The following SPINT1 variants were observed in gnomAD, a reference collection of about 807,000 sequenced individuals.
SPINT1 encodes kunitz-type protease inhibitor 1.
Under a neutral mutation model 53.7 loss-of-function variants are expected in SPINT1, and 38 were observed. That is an observed-to-expected ratio of 0.71 (90% CI 0.55 to 0.93). The LOEUF (loss-of-function observed/expected upper bound fraction) is 0.93, where lower values mean the gene tolerates loss of function less well. Among genes scored for constraint, SPINT1 ranks in the 40% least tolerant of loss-of-function variants. The pLI is 0.00. For missense variants in SPINT1, 645 were observed against 692.9 expected (o/e 0.93, Z 0.78); for synonymous variants, 283 against 280.6 (o/e 1.01, Z -0.08).
chr15:40,844,653 C>G lies in SPINT1; in HGVS notation c.99C>G (p.Thr33=). The G allele has an allele frequency of 1.2e-6, 2 of 1,604,466 alleles. No homozygotes were observed. Among genetic ancestry groups the G allele is most frequent in the Non-Finnish European group, 1.7e-6 (2 of 1,175,888 alleles). ...WLLCTLGLQG[T]QAGPPPAPPG... Reference sequence around the variant, plus strand: ...TGTGCACGCTCGGCCTCCAGGGCACCCAGGCCGGGCCACCGCCCGCGCCCC... The same window carrying G: ...TGTGCACGCTCGGCCTCCAGGGCACGCAGGCCGGGCCACCGCCCGCGCCCC... The change falls in exon 2 of 11, where the codon ACC becomes ACG. Residue 33 remains threonine, a synonymous_variant. Transcript: ENST00000562057. The surrounding 1 kb of genome is among the most constrained non-coding windows in gnomAD (Gnocchi z 5.8).
chr15:40,855,802 G>A, intron 8 of SPINT1, 90 bp from the exon 9 acceptor site: 4 of 1,413,544 alleles, frequency 2.8e-6, no homozygotes, highest in Non-Finnish European at 3.9e-6. Flanking sequence ...GGCAGGTGGG[G>A]AGGTGCTGGG....
intron 2 of SPINT1, among the ~76,000 whole-genome samples, chr15:40,848,562 AATAAT>A (rs1891361066): frequency 6.6e-6 from 1 of 152,234 alleles, no homozygotes; most frequent in African/African-American, 2.4e-5. Flanking sequence ...TTTTCATAAT[AATAAT>A]AAACCCTAAG....
chr15:40,853,765 G>T lies in SPINT1; in HGVS notation c.797G>T (p.Trp266Leu), dbSNP rs1891537113. Residue 266 changes from tryptophan (W) to leucine (L), a missense_variant, in exon 5 of 11, where the codon TGG (tryptophan) becomes TTG (leucine). Physicochemically the swap from Trp to Leu is moderately conservative, Grantham distance 61. Transcript: ENST00000562057. ...CGCTGCCGGGGCTCTTTCCCACGCT[G>T]GTACTATGACCCCACGGAGCAGATC... is the stretch of plus-strand genomic sequence containing the variant. ...VGRCRGSFPR[W>L]YYDPTEQICK... The T allele has an allele frequency of 6.2e-7, 1 of 1,614,092 alleles. No homozygotes were observed. The highest frequency in any genetic ancestry group is 1.7e-5 in the Admixed American group (1 of 60,012).
At chr15:40,852,974 G>C (rs1891507222) in intron 2 of SPINT1, 150 bp from the exon 3 acceptor site, 11 of 896,708 alleles carry the variant, frequency 1.2e-5, no homozygotes, top group Non-Finnish European at 1.9e-5. Context: ...AGCTGGTTCT[G>C]TTGGGGGCTC....
In SPINT1 at chr15:40,856,275, G is replaced by C; in HGVS notation, c.1289-1G>C. 1 of 1,614,178 alleles carries C rather than the reference G, an allele frequency of 6.2e-7. No homozygotes were observed. The highest frequency in any genetic ancestry group is 8.5e-7 in the Non-Finnish European group (1 of 1,180,026). On this transcript the variant is annotated splice_acceptor_variant, in intron 9 of 10. Transcript: ENST00000562057. LOFTEE classifies it high-confidence loss of function. ...TGGTCTTTCCCCTCATCATTCTGCA[G>C]AGAAGGATGTGTTTGGCCTGAGGCG...
chr15:40,855,992 T>C lies in SPINT1; in HGVS notation c.1218T>C (p.Gly406=), dbSNP rs1426936080. The change falls in exon 9 of 11, where the codon GGT becomes GGC. Residue 406 remains glycine, a synonymous_variant. Coordinates refer to ENST00000562057, the MANE Select transcript of SPINT1 (RefSeq NM_003710.4). ...FSEHCARFTY[G]GCYGNKNNFE... ...AACACTGCGCCCGCTTTACCTATGG[T>C]GGTTGTTACGGCAACAAGAACAACT... 1.9e-6 allele frequency: 3 copies of C among 1,614,208 alleles called. No individual in the cohort carries two copies. Among genetic ancestry groups the C allele is most frequent in the Non-Finnish European group, 2.5e-6 (3 of 1,180,036 alleles).
At chr15:40,854,588 C>G (rs369006639) in intron 7 of SPINT1, 51 bp from the exon 8 acceptor site, 19 of 1,614,040 alleles carry the variant, frequency 1.2e-5, no homozygotes, top group Non-Finnish European at 1.6e-5. Flanking sequence ...TTGCCCTGAA[C>G]CCCTGGGAGA....
rs142240169 is a variant in SPINT1, at chr15:40,856,790, G to T, written c.1357G>T (p.Ala453Ser). Residue 453 changes from alanine (A) to serine (S), a missense_variant, in exon 11 of 11, where the codon GCA (alanine) becomes TCA (serine). Transcript: ENST00000562057. Reference protein sequence around the residue: ...PSTGSVEMAVAVFLVICIVVV... With the variant: ...PSTGSVEMAVSVFLVICIVVV... ...CCCAGGCTCTGTGGAGATGGCTGTC[G>T]CAGTGTTCCTGGTCATCTGCATTGT... 2 of 1,614,144 alleles carry T rather than the reference G, an allele frequency of 1.2e-6. No individual in the cohort carries two copies. The highest frequency in any genetic ancestry group is 1.3e-5 in the African/African-American group (1 of 75,026).
At position 40,856,143 on chromosome 15, in the gene SPINT1, A is replaced by T. The variant is rs972472158; in HGVS notation, c.1288+81A>T. The T allele has an allele frequency of 1.2e-5, 19 of 1,593,558 alleles. No individual in the cohort carries two copies. In the Admixed American group the frequency reaches 3.0e-4, roughly 25 times the overall value. ...TCCACTCTGTCCCCAGGCCTTTGGG[A>T]GTCACCCCTCCATCCTCAGAGCGCC... On this transcript the variant is annotated intron_variant, in intron 9 of 10. Transcript: ENST00000562057.
At position 40,856,766 on chromosome 15, in the gene SPINT1, C is replaced by T; in HGVS notation, c.1337-4C>T. 1.9e-6 allele frequency: 3 copies of T among 1,614,118 alleles called. No individual in the cohort carries two copies. The highest frequency in any genetic ancestry group is 2.5e-6 in the Non-Finnish European group (3 of 1,180,022). On this transcript the variant is annotated splice_region_variant and splice_polypyrimidine_tract_variant and intron_variant, in intron 10 of 10. Transcript: ENST00000562057. ...GCCCCTTATTCTACCCCTTCTTCCC[C>T]CAGGCTCTGTGGAGATGGCTGTCGC...
rs1891541900 is a variant in SPINT1 at position 40,853,868 on chromosome 15, T to C, written c.900T>C (p.Cys300=). The C allele has an allele frequency of 1.2e-6, 2 of 1,614,178 alleles. No homozygotes were observed. Among genetic ancestry groups the C allele is most frequent in the South Asian group, 1.1e-5 (1 of 91,082 alleles). The change falls in exon 5 of 11, where the codon TGT becomes TGC. Residue 300 remains cysteine (C), a synonymous_variant. Transcript: ENST00000562057. ...YLREEECILA[C]RGVQGPSMER... The stretch of plus-strand genomic sequence containing the variant: ...GGGAAGAAGAGTGCATTCTAGCCTG[T>C]CGGGGTGTGCAAGGTGGGCCTTTGA...
chr15:40,856,980 G>A lies in SPINT1; in HGVS notation c.*5G>A. The A allele has an allele frequency of 6.2e-7, 1 of 1,613,594 alleles. No homozygotes were observed. Among genetic ancestry groups the A allele is most frequent in the South Asian group, 1.1e-5 (1 of 91,042 alleles). On this transcript the variant is annotated 3_prime_UTR_variant, in exon 11 of 11. Coordinates refer to ENST00000562057, the MANE Select transcript of SPINT1 (RefSeq NM_003710.4). Reference sequence around the variant, plus strand: ...CACACCACGCGGCCCCTCTGAGCCTGGGTCTCACCGGCTCTCACCTGGCCC... The same window carrying A: ...CACACCACGCGGCCCCTCTGAGCCTAGGTCTCACCGGCTCTCACCTGGCCC...
rs184233395 is a variant in SPINT1 at position 40,856,041 on chromosome 15, G to A, written c.1267G>A (p.Glu423Lys). The stretch of plus-strand genomic sequence containing the variant: ...CTTTGAGGAAGAGCAGCAGTGCCTC[G>A]AGTCTTGTCGCGGCATCTCCAGTGA... ...NNFEEEQQCL[E>K]SCRGISKKDV... The change falls in exon 9 of 11, where the codon GAG (glutamate) becomes AAG (lysine). Residue 423 changes from glutamate to lysine, a missense_variant. By Grantham distance (56) the Glu-to-Lys change is moderately conservative. Coordinates refer to ENST00000562057, the MANE Select transcript of SPINT1 (RefSeq NM_003710.4). 5.6e-5 allele frequency: 90 copies of A among 1,614,122 alleles called. No individual in the cohort carries two copies. In the East Asian group the frequency reaches 1.5e-3, roughly 26 times the overall value.
chr15:40,853,704 C>T lies in SPINT1; in HGVS notation c.743-7C>T, dbSNP rs548437798. On this transcript the variant is annotated splice_region_variant and splice_polypyrimidine_tract_variant and intron_variant, in intron 4 of 10. Coordinates refer to ENST00000562057, the MANE Select transcript of SPINT1 (RefSeq NM_003710.4). ...CGCACGGTCCCCTCATAAGCTCTCC[C>T]CCCTAGACTACTGCCTCGCATCCAA... The T allele has an allele frequency of 3.0e-5, 48 of 1,614,090 alleles. 1 individual carries two copies. In the Middle Eastern group the frequency reaches 1.8e-3, roughly 61 times the overall value.
At position 40,853,615 on chromosome 15, in the gene SPINT1, A is replaced by G. The variant is rs1299261691; in HGVS notation, c.730A>G (p.Lys244Glu). The G allele has an allele frequency of 2.5e-6, 4 of 1,613,712 alleles. No homozygotes were observed. Among genetic ancestry groups the G allele is most frequent in the Non-Finnish European group, 3.4e-6 (4 of 1,179,914 alleles). Residue 244 changes from lysine to glutamate, a missense_variant, in exon 4 of 11, where the codon AAG (lysine) becomes GAG (glutamate). Physicochemically the swap from Lys to Glu is moderately conservative, Grantham distance 56. Transcript: ENST00000562057. ...ANVTVTVLST[K>E]QTEDYCLASN... ...CGTCACAGTCACTGTGCTGTCCACCAAGCAGACAGAAGGTGAGGGAGGGGT... is the reference window on the plus strand; with the variant it reads ...CGTCACAGTCACTGTGCTGTCCACCGAGCAGACAGAAGGTGAGGGAGGGGT...
intron 2 of SPINT1, among the ~76,000 whole-genome samples, chr15:40,850,143 G>T (rs1271997852): frequency 1.3e-5 from 2 of 152,014 alleles, no homozygotes; most frequent in Non-Finnish European, 2.9e-5. Context: ...CGCGATCTCC[G>T]GCTCACCACA....
chr15:40,850,776 G>T (rs1248614748), intron 2 of SPINT1, among the ~76,000 whole-genome samples: 1 of 152,172 alleles, frequency 6.6e-6, no homozygotes, highest in Non-Finnish European at 1.5e-5. Flanking sequence ...CTGGACCGCT[G>T]CACTGGTATA....
rs777340322 is a variant in SPINT1, at chr15:40,855,942, C to T, written c.1168C>T (p.Arg390Cys). 22 of 1,614,122 alleles carry T rather than the reference C, an allele frequency of 1.4e-5. No homozygotes were observed. Among genetic ancestry groups the T allele is most frequent in the East Asian group, 2.2e-5 (1 of 44,892 alleles). Residue 390 changes from arginine (R) to cysteine (C), a missense_variant, in exon 9 of 11, where the codon CGC becomes TGC. Physicochemically the swap from Arg to Cys is radical, Grantham distance 180. Transcript: ENST00000562057. ...AGGACTCTGCAAGGAGAGCATCCCG[C>T]GCTGGTACTACAACCCCTTCAGCGA... Reference protein sequence around the residue: ...DTGLCKESIPRWYYNPFSEHC... With the variant: ...DTGLCKESIPCWYYNPFSEHC...
chr15:40,855,848 G>C, intron 8 of SPINT1, 44 bp from the exon 9 acceptor site: 7 of 1,576,250 alleles, frequency 4.4e-6, no homozygotes, highest in Non-Finnish European at 6.1e-6. Context: ...AGGTGGCAGG[G>C]AGGCCATGGA....
Sources: allele counts gnomAD v4.1 joint callset (sites outside exome capture counted in the v4.1 genomes callset), GRCh38; gene constraint gnomAD v4.1.1; non-coding constraint Gnocchi (gnomAD v3.1); transcripts MANE v1.5; gene names NCBI Gene and HGNC (gene_info 2026-07-23, HGNC 2026-07-21).